Variants in ARHGEF10L observed in about 807,000 individuals in gnomAD.
ARHGEF10L encodes the protein Rho guanine nucleotide exchange factor 10 like, also known as rho guanine nucleotide exchange factor 10-like protein.
Under a neutral mutation model 141.2 loss-of-function variants are expected in ARHGEF10L, and 69 were observed. That is an observed-to-expected ratio of 0.49 (90% CI 0.40 to 0.60). ARHGEF10L has a LOEUF of 0.60. ARHGEF10L is among the 20% of genes least tolerant of loss of function. The probability of loss-of-function intolerance (pLI) is 0.00; values close to 1 mark genes in which losing one functional copy is unlikely to be tolerated. For missense variants in ARHGEF10L, 1,482 were observed against 1,734.3 expected (o/e 0.85, Z 2.58); for synonymous variants, 711 against 718.5 (o/e 0.99, Z 0.17).
intron 1 of ARHGEF10L, among the ~76,000 whole-genome samples, chr1:17,562,460 A>G (rs1186159552): frequency 6.6e-6 from 1 of 152,066 alleles, no homozygotes; most frequent in Non-Finnish European, 1.5e-5. Context: ...GGGGCCCTGG[A>G]TATCCACCTC....
chr1:17,656,359 C>G lies in ARHGEF10L; in HGVS notation c.2706-195C>G, dbSNP rs190068523. 5.9e-5 allele frequency among the ~76,000 whole-genome samples: 9 copies of G among 152,342 alleles called. 1 individual carries two copies. Among genetic ancestry groups the G allele is most frequent in the Admixed American group, 5.2e-4 (8 of 15,308 alleles). On this transcript the variant is annotated intron_variant, in intron 24 of 28. Transcript: ENST00000361221. The surrounding 1 kb of genome is among the most constrained non-coding windows in gnomAD (Gnocchi z 4.9). ...TGAGTCCTCTTCGTGACAGAGGTGT[C>G]AGGGAGGGTACCGTCCCAGAAAACC...
rs1391997216 is a variant in ARHGEF10L at position 17,695,197 on chromosome 1, A to G, written c.3224A>G (p.Gln1075Arg). 1 of 1,613,000 alleles carries G rather than the reference A, an allele frequency of 6.2e-7. No individual in the cohort carries two copies. Among genetic ancestry groups the G allele is most frequent in the East Asian group, 2.2e-5 (1 of 44,884 alleles). ...HLCVTSLLIC[Q>R]GLLWVGTDQG... ...TGTGTCACCAGCCTCCTGATCTGCC[A>G]GGGTCTGCTCTGGGTGGGCACTGAC... Residue 1075 changes from glutamine to arginine, a missense_variant, in exon 28 of 29, where the codon CAG becomes CGG. This residue lies in a region of ARHGEF10L where 858 missense variants were observed against 966.3 expected (regional missense o/e 0.89). Coordinates refer to ENST00000361221, the MANE Select transcript of ARHGEF10L (RefSeq NM_018125.4).
chr1:17,660,053 C>T (rs2062518019), intron 25 of ARHGEF10L, among the ~76,000 whole-genome samples: 1 of 152,228 alleles, frequency 6.6e-6, no homozygotes, highest in South Asian at 2.1e-4. Flanking sequence ...TTCATTCACT[C>T]CTTCATTTGC....
chr1:17,674,452 A>G (rs1215409620), intron 26 of ARHGEF10L, among the ~76,000 whole-genome samples: 1 of 152,206 alleles, frequency 6.6e-6, no homozygotes, highest in Non-Finnish European at 1.5e-5. Flanking sequence ...ACAGGAGAGG[A>G]TGCGGGTCAG....
chr1:17,542,856 C>CT (rs1321768099), intron 1 of ARHGEF10L, among the ~76,000 whole-genome samples: 1 of 152,208 alleles, frequency 6.6e-6, no homozygotes, highest in Non-Finnish European at 1.5e-5. Flanking sequence ...CTGGGACTCC[C>CT]TGGCCACTCA....
chr1:17,661,886 A>G (rs2062653714), intron 25 of ARHGEF10L, among the ~76,000 whole-genome samples: 1 of 152,174 alleles, frequency 6.6e-6, no homozygotes, highest in East Asian at 1.9e-4. Flanking sequence ...AGAGGCCTTC[A>G]GAAACCTGAG....
intron 1 of ARHGEF10L, among the ~76,000 whole-genome samples, chr1:17,557,755 GAC>G (rs1406093741): frequency 2.0e-5 from 3 of 152,244 alleles, no homozygotes; most frequent in Non-Finnish European, 4.4e-5. Context: ...TGTAAGGCCA[GAC>G]ACAGTCTCGG....
At chr1:17,588,678 C>G (rs1457582855) in intron 4 of ARHGEF10L, among the ~76,000 whole-genome samples, 199 bp downstream of exon 4, 2 of 151,960 alleles carry the variant, frequency 1.3e-5, no homozygotes. Flanking sequence ...ATTTTGCCCA[C>G]AAACCTCTGA....
At chr1:17,543,030 G>A (rs1387578436) in intron 1 of ARHGEF10L, among the ~76,000 whole-genome samples, 3 of 152,176 alleles carry the variant, frequency 2.0e-5, no homozygotes, top group African/African-American at 2.4e-5. Flanking sequence ...TCCGCCCCAT[G>A]GTGCCACCTT....
chr1:17,576,389 G>A (rs547246809), intron 1 of ARHGEF10L, among the ~76,000 whole-genome samples: 3 of 152,128 alleles, frequency 2.0e-5, no homozygotes, highest in East Asian at 3.9e-4. Flanking sequence ...TGGTCCCGTC[G>A]CTGAGCCTAA....
intron 2 of ARHGEF10L, among the ~76,000 whole-genome samples, chr1:17,585,658 A>C (rs1467003730): frequency 1.3e-5 from 2 of 152,160 alleles, no homozygotes; most frequent in African/African-American, 4.8e-5. Context: ...ATCTGCCCCC[A>C]AAATATTATG....
chr1:17,569,190 A>T (rs950595034), intron 1 of ARHGEF10L, among the ~76,000 whole-genome samples: 5 of 152,000 alleles, frequency 3.3e-5, no homozygotes, highest in Non-Finnish European at 7.4e-5. Context: ...AACTGGTGGG[A>T]GGATTAGGGG....
chr1:17,561,424 C>T (rs1046022791), intron 1 of ARHGEF10L, among the ~76,000 whole-genome samples: 3 of 152,216 alleles, frequency 2.0e-5, no homozygotes, highest in African/African-American at 7.2e-5. Context: ...CTGGCTTTTC[C>T]TTGGTCCTGC....
chr1:17,622,950 A>G lies in ARHGEF10L; in HGVS notation c.1021-46A>G, dbSNP rs757514845. Reference sequence around the variant, plus strand: ...GTTCTGCATGAGGGCAGGTAGGGAGAGAGGCTGCGGCCTGGCCTGCGGCCT... The same window carrying G: ...GTTCTGCATGAGGGCAGGTAGGGAGGGAGGCTGCGGCCTGGCCTGCGGCCT... On this transcript the variant is annotated intron_variant, in intron 11 of 28. Coordinates refer to ENST00000361221, the MANE Select transcript of ARHGEF10L (RefSeq NM_018125.4). 3.8e-6 allele frequency: 6 copies of G among 1,573,240 alleles called. 1 individual carries two copies. In the Admixed American group the frequency reaches 1.1e-4, roughly 28 times the overall value.
intron 1 of ARHGEF10L, among the ~76,000 whole-genome samples, chr1:17,570,909 G>A (rs1202852649): frequency 6.6e-6 from 1 of 152,092 alleles, no homozygotes; most frequent in Non-Finnish European, 1.5e-5. Context: ...CTGGTGGGAT[G>A]GTGCTAGCAA....
chr1:17,646,952 C>T (rs900380344), intron 21 of ARHGEF10L, among the ~76,000 whole-genome samples: 4 of 151,860 alleles, frequency 2.6e-5, no homozygotes, highest in Admixed American at 6.6e-5. Flanking sequence ...AGCAGGGGAA[C>T]GGCGAGGCCA....
At chr1:17,553,856 T>C (rs2077204297) in intron 1 of ARHGEF10L, among the ~76,000 whole-genome samples, 1 of 152,190 alleles carries the variant, frequency 6.6e-6, no homozygotes, top group African/African-American at 2.4e-5. Flanking sequence ...TACCACTGGG[T>C]GCCAGGCACT....
At chr1:17,663,280 G>A (rs907998354) in intron 25 of ARHGEF10L, among the ~76,000 whole-genome samples, 4 of 152,102 alleles carry the variant, frequency 2.6e-5, no homozygotes, top group African/African-American at 9.7e-5. Flanking sequence ...GATCAGGCAC[G>A]GTGGCTCATG....
chr1:17,589,190 A>G (rs2079322792), intron 4 of ARHGEF10L, among the ~76,000 whole-genome samples: 1 of 152,104 alleles, frequency 6.6e-6, no homozygotes. Context: ...GCTATCGGGT[A>G]AGATGCCCAG....
Sources: allele counts gnomAD v4.1 joint callset (sites outside exome capture counted in the v4.1 genomes callset), GRCh38; gene constraint gnomAD v4.1.1; regional missense constraint gnomAD v4.1.1; non-coding constraint Gnocchi (gnomAD v3.1); transcripts MANE v1.5; gene names NCBI Gene and HGNC (gene_info 2026-07-23, HGNC 2026-07-21).